The following STIM1 variants were observed in gnomAD, a reference collection of about 807,000 sequenced individuals.
The protein encoded by STIM1 is stromal interaction molecule 1.
A neutral mutation model predicts 74.7 loss-of-function variants in STIM1; 25 were observed. The ratio of observed to expected loss-of-function variants is 0.33; its 90% confidence interval spans 0.24 to 0.47. The LOEUF is 0.47. Ranked by LOEUF, STIM1 falls within the 20% of genes least tolerant of loss-of-function variation. STIM1 has a pLI of 1.00. For synonymous variants in STIM1, 328 were observed against 348.8 expected (o/e 0.94, Z 0.66); for missense variants, 728 against 920.8 (o/e 0.79, Z 2.71).
chr11:3,865,504 C>T (rs2090819541), intron 1 of STIM1, among the ~76,000 whole-genome samples: 1 of 152,204 alleles, frequency 6.6e-6, no homozygotes, highest in African/African-American at 2.4e-5. Flanking sequence ...ATGTCAAGTG[C>T]TGCTTCTTTG....
chr11:3,876,182 C>T (rs1565098062), intron 1 of STIM1, among the ~76,000 whole-genome samples: 1 of 152,170 alleles, frequency 6.6e-6, no homozygotes, highest in Admixed American at 6.5e-5. Context: ...CTATGAAATA[C>T]TATTATTGTC....
In STIM1 at chr11:3,971,596, G is replaced by A. The variant is rs529118688; in HGVS notation, c.270+3914G>A. On this transcript the variant is annotated intron_variant, in intron 2 of 12. Coordinates refer to ENST00000526596, the MANE Select transcript of STIM1 (RefSeq NM_001382567.1). ...GTAACGTGATATCCATGGGATATCT[G>A]TTTCTACCACAGCCGTTTAAGTGCT... Among the ~76,000 whole-genome samples, 17 of 152,240 alleles carry A rather than the reference G, an allele frequency of 1.1e-4. No homozygotes were observed. The East Asian group carries it at 3.3e-3, about 29-fold the overall frequency.
At chr11:3,862,922 C>T (rs528848295) in intron 1 of STIM1, among the ~76,000 whole-genome samples, 41 of 152,152 alleles carry the variant, frequency 2.7e-4, no homozygotes, top group East Asian at 1.4e-3. Context: ...GGTAGAGTTT[C>T]GCTCTTGTCA....
chr11:3,892,694 C>G, intron 1 of STIM1: 5 of 1,612,898 alleles, frequency 3.1e-6, no homozygotes, highest in Non-Finnish European at 3.4e-6. Context: ...TGTGAAGTCA[C>G]CACCCTGACA....
intron 2 of STIM1, among the ~76,000 whole-genome samples, chr11:3,984,072 G>A (rs2093534214): frequency 6.6e-6 from 1 of 152,010 alleles, no homozygotes; most frequent in Admixed American, 6.6e-5. Context: ...TCATATGTTG[G>A]TCAGGCTGAT....
At chr11:3,963,699 C>A (rs1245394850) in intron 1 of STIM1, among the ~76,000 whole-genome samples, 1 of 152,160 alleles carries the variant, frequency 6.6e-6, no homozygotes, top group Non-Finnish European at 1.5e-5. Flanking sequence ...GGACATGGTA[C>A]CAATCCCTTA....
chr11:4,019,320 A>G (rs2093933578), intron 2 of STIM1, among the ~76,000 whole-genome samples: 1 of 151,992 alleles, frequency 6.6e-6, no homozygotes, highest in South Asian at 2.1e-4. Flanking sequence ...CTTTATTTAA[A>G]TTATATTTTA....
At position 4,050,531 on chromosome 11, in the gene STIM1, A is replaced by G. The variant is rs77205062; in HGVS notation, c.386-4995A>G. 3.8e-3 allele frequency among the ~76,000 whole-genome samples: 584 copies of G among 152,308 alleles called. 2 individuals are homozygous for G. In the South Asian group the frequency reaches 0.042, roughly 11 times the overall value. On this transcript the variant is annotated intron_variant, in intron 3 of 12. Transcript: ENST00000526596. ...TTGTCTTTTTGAATTGCAATTATGA[A>G]TGTATATTTTGTGTAAAAACATCAG...
At position 3,857,103 on chromosome 11, in the gene STIM1, TTTTTG is replaced by T. The variant is rs1282823555; in HGVS notation, c.139+699_139+703del. Among the ~76,000 whole-genome samples the T allele has an allele frequency of 7.8e-4, 93 of 119,392 alleles. 1 individual carries two copies. The highest frequency in any genetic ancestry group is 2.6e-3 in the African/African-American group (84 of 32,016). 78.3% of individuals were successfully genotyped at this position (119,392 alleles called of 152,430 possible). A position where few individuals can be genotyped will look rare whatever the true frequency, so the allele number is the denominator to read the frequency against. On this transcript the variant is annotated intron_variant, in intron 1 of 12. Coordinates refer to ENST00000526596, the MANE Select transcript of STIM1 (RefSeq NM_001382567.1). ...GGGAATTCCATGCTACAGGTTTTTT[TTTTTG>T]TTTTTTTTTTTTTTTCCCTGAGTCT... is the stretch of plus-strand genomic sequence containing the variant.
chr11:4,019,538 C>G (rs2959061), intron 2 of STIM1, among the ~76,000 whole-genome samples: 123,116 of 151,666 alleles, frequency 0.81, 51,871 homozygotes, highest in East Asian at 0.95. Flanking sequence ...AGCTCGGTAC[C>G]GTGGTGCACA....
chr11:3,954,789 A>G, intron 1 of STIM1, among the ~76,000 whole-genome samples: 1 of 152,222 alleles, frequency 6.6e-6, no homozygotes, highest in South Asian at 2.1e-4. Flanking sequence ...CATATCATGC[A>G]TGACTGGTGG....
chr11:4,001,671 G>A (rs1275545949), intron 2 of STIM1, among the ~76,000 whole-genome samples: 1 of 152,038 alleles, frequency 6.6e-6, no homozygotes, highest in African/African-American at 2.4e-5. Flanking sequence ...GGAAGAAACT[G>A]CATCAACTAA....
intron 1 of STIM1, among the ~76,000 whole-genome samples, chr11:3,937,357 A>G (rs1281455573): frequency 6.6e-6 from 1 of 151,556 alleles, no homozygotes; most frequent in Non-Finnish European, 1.5e-5. Context: ...TGGAAATTTA[A>G]TATGTTTCCC....
At chr11:4,052,342 A>G (rs1436358401) in intron 3 of STIM1, among the ~76,000 whole-genome samples, 2 of 152,224 alleles carry the variant, frequency 1.3e-5, no homozygotes, top group Non-Finnish European at 2.9e-5. Context: ...AAACTATACT[A>G]CAAGGCTACA....
chr11:4,050,683 C>T (rs557235744), intron 3 of STIM1, among the ~76,000 whole-genome samples: 1 of 152,292 alleles, frequency 6.6e-6, no homozygotes, highest in African/African-American at 2.4e-5. Flanking sequence ...GTTAGGGGTG[C>T]TGACTGTCCC....
chr11:3,981,232 C>T lies in STIM1; in HGVS notation c.270+13550C>T, dbSNP rs377632466. 1.1e-3 allele frequency among the ~76,000 whole-genome samples: 161 copies of T among 152,258 alleles called. 4 individuals are homozygous for T. The South Asian group carries it at 0.032, about 31-fold the overall frequency. On this transcript the variant is annotated intron_variant, in intron 2 of 12. Transcript: ENST00000526596. Reference sequence around the variant, plus strand: ...CGTGAGCCACCACGCCCAGCCAATCCGAGAAATCTTGTTTGTTCTCCTACA... The same window carrying T: ...CGTGAGCCACCACGCCCAGCCAATCTGAGAAATCTTGTTTGTTCTCCTACA...
At chr11:4,023,413 G>T (rs1324008535) in intron 2 of STIM1, among the ~76,000 whole-genome samples, 1 of 152,128 alleles carries the variant, frequency 6.6e-6, no homozygotes, top group Non-Finnish European at 1.5e-5. Flanking sequence ...GGGGCAAATG[G>T]CATTATCTTC....
In STIM1 at chr11:3,856,012, G is replaced by C. The variant is rs200627611; in HGVS notation, c.-259G>C. The C allele has an allele frequency of 5.6e-6, 3 of 533,684 alleles. No individual in the cohort carries two copies. Among genetic ancestry groups the C allele is most frequent in the Non-Finnish European group, 1.0e-5 (3 of 294,328 alleles). The allele number at this position is 533,684 out of a possible 1,614,324, so 33.1% of individuals were successfully genotyped here. A position where few individuals can be genotyped will look rare whatever the true frequency, so the allele number is the denominator to read the frequency against. ...CGCAGCCACCCTGCCCGAAGTCTCC[G>C]GAAGCGGCACGAGCTCAGGCCGCCG... On this transcript the variant is annotated 5_prime_UTR_variant, in exon 1 of 13. Coordinates refer to ENST00000526596, the MANE Select transcript of STIM1 (RefSeq NM_001382567.1).
intron 2 of STIM1, among the ~76,000 whole-genome samples, chr11:4,011,836 C>T (rs1416921261): frequency 1.3e-5 from 2 of 152,158 alleles, no homozygotes; most frequent in Admixed American, 1.3e-4. Flanking sequence ...AGGTTTTCTT[C>T]TAGGGTTTTT....
Sources: allele counts gnomAD v4.1 joint callset (sites outside exome capture counted in the v4.1 genomes callset), GRCh38; gene constraint gnomAD v4.1.1; transcripts MANE v1.5; gene names NCBI Gene and HGNC (gene_info 2026-07-23, HGNC 2026-07-21).